Variants in GRM5 observed in about 807,000 individuals in gnomAD.
The protein encoded by GRM5 is metabotropic glutamate receptor 5.
In GRM5, 19 loss-of-function variants were observed where a neutral mutation model predicts 83.1. The ratio of observed to expected loss-of-function variants is 0.23; its 90% CI spans 0.16 to 0.34. GRM5 has a LOEUF of 0.34. GRM5 is among the 10% of genes least tolerant of loss of function. The pLI, the probability that GRM5 is intolerant of heterozygous loss-of-function variation, is 1.00. For missense variants in GRM5, 1,160 were observed against 1,588.3 expected (o/e 0.73, Z 4.58); for synonymous variants, 675 against 633.6 (o/e 1.07, Z -0.98).
At chr11:88,805,397 G>T (rs1051560787) in intron 3 of GRM5, among the ~76,000 whole-genome samples, 1 of 151,986 alleles carries the variant, frequency 6.6e-6, no homozygotes. Context: ...TCACCATGTT[G>T]GCCAGGATGG....
At chr11:89,024,956 T>C (rs1157040460) in intron 2 of GRM5, among the ~76,000 whole-genome samples, 1 of 152,150 alleles carries the variant, frequency 6.6e-6, no homozygotes, top group Non-Finnish European at 1.5e-5. Context: ...ATTTTTCCAC[T>C]AAAAAAGATT....
intron 2 of GRM5, among the ~76,000 whole-genome samples, chr11:88,984,470 T>C (rs1421584428): frequency 6.6e-6 from 1 of 152,184 alleles, no homozygotes; most frequent in Non-Finnish European, 1.5e-5. Flanking sequence ...AAGTACACTC[T>C]ATGATGTTCA....
intron 3 of GRM5, among the ~76,000 whole-genome samples, chr11:88,682,866 CT>C (rs982813394): frequency 6.6e-6 from 1 of 151,026 alleles, no homozygotes; most frequent in African/African-American, 2.4e-5. Context: ...TTCTTTTTTT[CT>C]TTGTATTTCC....
At chr11:88,930,975 T>C (rs571273540) in intron 2 of GRM5, among the ~76,000 whole-genome samples, 1 of 152,264 alleles carries the variant, frequency 6.6e-6, no homozygotes, top group African/African-American at 2.4e-5. Context: ...TTGTAGTTGC[T>C]GATTTTATTA....
chr11:88,765,395 G>GAAAAAAAAAAAAAAAAAAAAAAAAA (rs58232495), intron 3 of GRM5, among the ~76,000 whole-genome samples: 1 of 123,422 alleles, frequency 8.1e-6, no homozygotes. Flanking sequence ...AAGACAATTT[G>GAAAAAAAAAAAAAAAAAAAAAAAAA]AAAAAAAAAA....
At chr11:88,976,859 C>A (rs201579273) in intron 2 of GRM5, among the ~76,000 whole-genome samples, 15 of 148,924 alleles carry the variant, frequency 1.0e-4, no homozygotes, top group Non-Finnish European at 1.0e-4. Context: ...TCTATAAATA[C>A]AAAAAAAAAA....
At chr11:88,875,087 T>TTC (rs1200406527) in intron 2 of GRM5, among the ~76,000 whole-genome samples, 1 of 151,338 alleles carries the variant, frequency 6.6e-6, no homozygotes, top group Admixed American at 6.6e-5. Context: ...TGACTGTTTT[T>TTC]TTTTTTTCAT....
chr11:88,655,120 T>G (rs2135309081), intron 3 of GRM5, among the ~76,000 whole-genome samples: 1 of 152,224 alleles, frequency 6.6e-6, no homozygotes, highest in South Asian at 2.1e-4. Flanking sequence ...TTTCAAAAAC[T>G]TTTGTGGCAG....
At chr11:88,969,853 T>C (rs1939114032) in intron 2 of GRM5, among the ~76,000 whole-genome samples, 1 of 152,144 alleles carries the variant, frequency 6.6e-6, no homozygotes, top group Admixed American at 6.6e-5. Context: ...ACTGTCTTCA[T>C]ACATTTTGAG....
At chr11:89,010,070 CAT>C (rs527867783) in intron 2 of GRM5, among the ~76,000 whole-genome samples, 26 of 148,746 alleles carry the variant, frequency 1.7e-4, no homozygotes, top group South Asian at 6.4e-4. Flanking sequence ...TGTATATTAA[CAT>C]ATATATATGT....
chr11:88,707,359 A>C (rs1482268716), intron 3 of GRM5, among the ~76,000 whole-genome samples: 1 of 152,096 alleles, frequency 6.6e-6, no homozygotes, highest in Non-Finnish European at 1.5e-5. Context: ...CTGTAAACAT[A>C]AAGGCATTCT....
intron 2 of GRM5, among the ~76,000 whole-genome samples, chr11:88,942,738 A>T (rs1938155495): frequency 1.3e-5 from 2 of 150,928 alleles, no homozygotes; most frequent in Admixed American, 6.6e-5. Flanking sequence ...GTTTAAATTA[A>T]AAAAAAAATG....
At chr11:88,612,174 G>T (rs1165635928) in intron 4 of GRM5, among the ~76,000 whole-genome samples, 1 of 141,296 alleles carries the variant, frequency 7.1e-6, no homozygotes, top group African/African-American at 2.7e-5. Context: ...GTGTCCATGT[G>T]ATCTCTTTGT....
At chr11:88,649,958 G>A (rs1796987045) in intron 4 of GRM5, among the ~76,000 whole-genome samples, 1 of 151,688 alleles carries the variant, frequency 6.6e-6, no homozygotes, top group Admixed American at 6.6e-5. Flanking sequence ...ACATATAAAA[G>A]TAAACTATAT....
intron 2 of GRM5, among the ~76,000 whole-genome samples, chr11:89,024,581 A>G (rs11018433): frequency 0.065 from 9,879 of 152,228 alleles, 707 homozygotes; most frequent in African/African-American, 0.18. Flanking sequence ...ATATCTTATC[A>G]CCTCTTTAGC....
At chr11:88,605,761 T>A (rs2135232907) in intron 4 of GRM5, among the ~76,000 whole-genome samples, 1 of 152,110 alleles carries the variant, frequency 6.6e-6, no homozygotes, top group East Asian at 1.9e-4. Flanking sequence ...CAATAGAAGG[T>A]TCTTGGGAAC....
rs766817581 is a variant in GRM5 at position 88,604,683 on chromosome 11, T to C, written c.1394+35A>G. The C allele has an allele frequency of 1.3e-5, 20 of 1,549,892 alleles. No homozygotes were observed. The Admixed American group carries it at 2.5e-4, about 19-fold the overall frequency. ...GGATCAAGAGTTGGCTGTTATTCAG[T>C]CTCTACTCTGCAGAGGAGAATTGTA... On this transcript the variant is annotated intron_variant, in intron 5 of 9. Transcript: ENST00000305447.
chr11:88,961,831 A>T (rs992149760), intron 2 of GRM5, among the ~76,000 whole-genome samples: 1 of 152,172 alleles, frequency 6.6e-6, no homozygotes, highest in South Asian at 2.1e-4. Flanking sequence ...CAGAACCAAG[A>T]TTACATATAT....
At position 88,831,554 on chromosome 11, in the gene GRM5, C is replaced by A. The variant is rs115363942; in HGVS notation, c.911+18352G>T. 5.3e-3 allele frequency among the ~76,000 whole-genome samples: 804 copies of A among 152,268 alleles called. 6 individuals carry two copies. The highest frequency in any genetic ancestry group is 0.019 in the African/African-American group (772 of 41,534). ...TATTTGGGACCTCATGACAGTCACA[C>A]CCCATTCAAGTATCCCTCACCCAGT... On this transcript the variant is annotated intron_variant, in intron 3 of 9. Transcript: ENST00000305447.
Sources: allele counts gnomAD v4.1 joint callset (sites outside exome capture counted in the v4.1 genomes callset), GRCh38; gene constraint gnomAD v4.1.1; transcripts MANE v1.5; gene names NCBI Gene and HGNC (gene_info 2026-07-23, HGNC 2026-07-21).